ZCCHC7: variants seen among roughly 807,000 people sequenced by gnomAD.
ZCCHC7 encodes zinc finger CCHC-type containing 7, also known as zinc finger CCHC domain-containing protein 7.
Under a neutral mutation model 52.0 loss-of-function variants are expected in ZCCHC7, and 35 were observed. The observed-to-expected ratio is 0.67, with a 90% confidence interval of 0.51 to 0.89. The LOEUF is 0.89. Ranked by LOEUF, ZCCHC7 falls within the 40% of genes least tolerant of loss-of-function variation. ZCCHC7 has a pLI of 0.00. For missense variants in ZCCHC7, 574 were observed against 649.1 expected (o/e 0.88, Z 1.26); for synonymous variants, 217 against 221.5 (o/e 0.98, Z 0.18).
intron 1 of ZCCHC7, chr9:37,121,488 A>T (rs577337216): frequency 1.1e-4 from 16 of 152,066 alleles, no homozygotes; most frequent in Admixed American, 8.5e-4. Flanking sequence ...TCTTTTTAAA[A>T]TTTTTTCTAG....
intron 2 of ZCCHC7, among the ~76,000 whole-genome samples, chr9:37,163,358 G>A (rs531119519): frequency 2.2e-5 from 3 of 138,306 alleles, no homozygotes; most frequent in Admixed American, 7.8e-5. Flanking sequence ...ACTGCACCCC[G>A]TCCTGGGTGA....
At chr9:37,202,468 G>A (rs1219200675) in intron 2 of ZCCHC7, among the ~76,000 whole-genome samples, 1 of 152,152 alleles carries the variant, frequency 6.6e-6, no homozygotes, top group Non-Finnish European at 1.5e-5. Context: ...CTTAAATCAT[G>A]GCTATTTAAA....
chr9:37,291,333 G>T lies in ZCCHC7; in HGVS notation c.611-10855G>T, dbSNP rs148658425. ...GGTAGATGTTTTTTCTAAAACTCAA[G>T]AACTGATAAGTGAATGATGTATTTC... On this transcript the variant is annotated intron_variant, in intron 2 of 8. Transcript: ENST00000336755. Among the ~76,000 whole-genome samples the T allele has an allele frequency of 1.0e-3, 154 of 149,170 alleles. 2 individuals carry two copies. In the East Asian group the frequency reaches 0.029, roughly 28 times the overall value.
chr9:37,335,942 C>A (rs1830628826), intron 6 of ZCCHC7, among the ~76,000 whole-genome samples: 1 of 152,162 alleles, frequency 6.6e-6, no homozygotes, highest in African/African-American at 2.4e-5. Flanking sequence ...GAATATAGTT[C>A]TCTATCATAA....
At chr9:37,349,533 ACT>A in intron 7 of ZCCHC7, 81 bp downstream of exon 7, 1 of 1,285,360 alleles carries the variant, frequency 7.8e-7, no homozygotes, top group South Asian at 1.3e-5. Flanking sequence ...AAAGAATGTA[ACT>A]CTAAATACTT....
At chr9:37,205,344 C>G (rs1181459006) in intron 2 of ZCCHC7, 2 of 166,126 alleles carry the variant, frequency 1.2e-5, no homozygotes, top group African/African-American at 4.8e-5. Flanking sequence ...AAGAACAACT[C>G]TTTTCTAAAA....
chr9:37,316,926 T>C (rs561143638), intron 5 of ZCCHC7, among the ~76,000 whole-genome samples: 99 of 150,546 alleles, frequency 6.6e-4, no homozygotes, highest in African/African-American at 2.3e-3. Flanking sequence ...TATAAAGAAT[T>C]GGTAGATCAA....
At chr9:37,125,787 A>T (rs1842515311) in intron 1 of ZCCHC7, among the ~76,000 whole-genome samples, 1 of 152,226 alleles carries the variant, frequency 6.6e-6, no homozygotes, top group South Asian at 2.1e-4. Context: ...TGTGCTGCAT[A>T]ATAGCATTTT....
chr9:37,250,633 G>T (rs1313977389), intron 2 of ZCCHC7, among the ~76,000 whole-genome samples: 1 of 152,006 alleles, frequency 6.6e-6, no homozygotes, highest in Non-Finnish European at 1.5e-5. Flanking sequence ...GACTTTTCTA[G>T]GCTTATTGGC....
intron 2 of ZCCHC7, among the ~76,000 whole-genome samples, chr9:37,134,409 T>A (rs1842917002): frequency 1.3e-5 from 2 of 152,258 alleles, no homozygotes; most frequent in South Asian, 4.1e-4. Flanking sequence ...ATTCAGATTT[T>A]CTCTCTGTTG....
At chr9:37,182,377 A>T (rs1016491420) in intron 2 of ZCCHC7, among the ~76,000 whole-genome samples, 2 of 138,382 alleles carry the variant, frequency 1.4e-5, no homozygotes, top group African/African-American at 2.8e-5. Flanking sequence ...TTTGAGATGT[A>T]GTCTTGCTCT....
intron 2 of ZCCHC7, among the ~76,000 whole-genome samples, chr9:37,182,176 G>C (rs1822390675): frequency 6.6e-6 from 1 of 152,128 alleles, no homozygotes; most frequent in South Asian, 2.1e-4. Flanking sequence ...CAAGTTCGAG[G>C]CTGGCCTTTT....
At chr9:37,211,443 A>G (rs1224326845) in intron 2 of ZCCHC7, among the ~76,000 whole-genome samples, 1 of 151,950 alleles carries the variant, frequency 6.6e-6, no homozygotes, top group Non-Finnish European at 1.5e-5. Flanking sequence ...TATACATATT[A>G]TTTTTCTTCC....
At chr9:37,281,146 G>A (rs1393119986) in intron 2 of ZCCHC7, among the ~76,000 whole-genome samples, 2 of 152,076 alleles carry the variant, frequency 1.3e-5, no homozygotes, top group Non-Finnish European at 2.9e-5. Context: ...CTCCTGAGTA[G>A]CTGGGACCAC....
intron 2 of ZCCHC7, among the ~76,000 whole-genome samples, chr9:37,231,701 T>A (rs1425265961): frequency 6.6e-6 from 1 of 152,186 alleles, no homozygotes; most frequent in Non-Finnish European, 1.5e-5. Context: ...ATCACAATGG[T>A]CAAGTATTTA....
chr9:37,180,282 A>G (rs1050247027), intron 2 of ZCCHC7, among the ~76,000 whole-genome samples: 5 of 152,158 alleles, frequency 3.3e-5, no homozygotes, highest in Non-Finnish European at 7.4e-5. Context: ...TTAGGAGCTT[A>G]TTAAAAGTAG....
At chr9:37,224,845 A>AT (rs1360870715) in intron 2 of ZCCHC7, among the ~76,000 whole-genome samples, 1 of 152,192 alleles carries the variant, frequency 6.6e-6, no homozygotes, top group African/African-American at 2.4e-5. Flanking sequence ...TGTGACAAGA[A>AT]ATTACCCAAG....
chr9:37,302,506 A>G (rs1460236002), intron 3 of ZCCHC7, among the ~76,000 whole-genome samples: 1 of 152,080 alleles, frequency 6.6e-6, no homozygotes, highest in Non-Finnish European at 1.5e-5. Flanking sequence ...AAAGATCAAC[A>G]CCGGAAATAA....
intron 5 of ZCCHC7, among the ~76,000 whole-genome samples, chr9:37,314,182 A>T (rs1829713156): frequency 6.6e-6 from 1 of 152,230 alleles, no homozygotes; most frequent in South Asian, 2.1e-4. Flanking sequence ...CCCATTCTGC[A>T]GACCCTTACC....
Sources: gnomAD v4.1 joint callset for allele counts (sites outside exome capture counted in the v4.1 genomes callset) on GRCh38, gnomAD v4.1.1 for gene constraint, MANE v1.5 for transcripts, NCBI Gene and HGNC (gene_info 2026-07-23, HGNC 2026-07-21) for gene names.